The following PITPNB variants were observed in gnomAD, a reference collection of about 807,000 sequenced individuals.
The protein encoded by PITPNB is phosphatidylinositol transfer protein beta isoform.
PITPNB carries 16 observed loss-of-function variants against 45.9 expected under a neutral mutation model. The ratio of observed to expected loss-of-function variants is 0.35; its 90% CI spans 0.24 to 0.53. The LOEUF (loss-of-function observed/expected upper bound fraction) is 0.53. Ranked by LOEUF, PITPNB falls within the 20% of genes least tolerant of loss-of-function variation. PITPNB has a pLI of 0.93. For synonymous variants in PITPNB, 112 were observed against 108.9 expected, an observed-to-expected ratio of 1.03 and a Z score of -0.18; for missense variants, 188 against 330.5, an observed-to-expected ratio of 0.57 and a Z score of 3.34.
At chr22:27,903,650 C>T (rs984441642) in intron 3 of PITPNB, among the ~76,000 whole-genome samples, 12 of 151,454 alleles carry the variant, frequency 7.9e-5, no homozygotes, top group African/African-American at 2.9e-4. Flanking sequence ...GTGGTGCACA[C>T]CTATGGTCCC....
In PITPNB at chr22:27,876,363, TCTG is replaced by T. The variant is rs200415888; in HGVS notation, c.457-2551_457-2549del. Among the ~76,000 whole-genome samples, 17 of 152,364 alleles carry T rather than the reference TCTG, an allele frequency of 1.1e-4. No individual in the cohort carries two copies. In the East Asian group the frequency reaches 1.9e-3, roughly 17 times the overall value. The stretch of plus-strand genomic sequence containing the variant: ...ATGTATGAAATGAAGTCTTCCCCTC[TCTG>T]CTTTTTCTCCTCTTGAATACAAAGC... On this transcript the variant is annotated intron_variant, in intron 7 of 11. Coordinates refer to ENST00000335272, the MANE Select transcript of PITPNB (RefSeq NM_012399.5).
intron 1 of PITPNB, among the ~76,000 whole-genome samples, chr22:27,917,298 T>C (rs543908481): frequency 3.3e-5 from 5 of 152,366 alleles, no homozygotes; most frequent in Admixed American, 3.3e-4. Context: ...ATCTACTGAA[T>C]ACTGTGTGTC....
At chr22:27,900,218 A>T (rs910978886) in intron 3 of PITPNB, among the ~76,000 whole-genome samples, 25 of 152,090 alleles carry the variant, frequency 1.6e-4, no homozygotes, top group Admixed American at 1.5e-3. Context: ...AAAATAAAAA[A>T]AAAAAAAGAA....
chr22:27,908,045 C>T (rs932120475), intron 3 of PITPNB, among the ~76,000 whole-genome samples: 10 of 151,696 alleles, frequency 6.6e-5, no homozygotes, highest in Non-Finnish European at 1.0e-4. Context: ...TTCTGAACCT[C>T]ATCCCCAAAT....
At chr22:27,897,067 T>C (rs951597136) in intron 5 of PITPNB, 63 bp downstream of exon 5, 4 of 1,146,318 alleles carry the variant, frequency 3.5e-6, no homozygotes, top group African/African-American at 1.5e-5. Flanking sequence ...TTGAAAATAA[T>C]TACTGTGTAA....
At chr22:27,876,257 G>A (rs750636342) in intron 7 of PITPNB, among the ~76,000 whole-genome samples, 1 of 152,084 alleles carries the variant, frequency 6.6e-6, no homozygotes, top group Non-Finnish European at 1.5e-5. Context: ...CCAAGAAGCC[G>A]CAGCACTAGA....
chr22:27,912,071 G>C (rs8136100), intron 2 of PITPNB, among the ~76,000 whole-genome samples: 1 of 152,154 alleles, frequency 6.6e-6, no homozygotes, highest in African/African-American at 2.4e-5. Context: ...GCTTGAAGAA[G>C]TGTATTTCTT....
Position 27,853,067 on chromosome 22 carries a change from G to C in PITPNB, c.*635C>G, listed in dbSNP as rs1934069811. The C allele has an allele frequency of 6.6e-6, 1 of 152,412 alleles. No individual in the cohort carries two copies. Among genetic ancestry groups the C allele is most frequent in the African/African-American group, 2.4e-5 (1 of 41,388 alleles). 9.4% of individuals were successfully genotyped at this position (152,412 alleles called of 1,614,324 possible). ...TTGGCTACAAGATAATGACCATCCA[G>C]AAATAAATAGTTATAAATACATTCA... On this transcript the variant is annotated 3_prime_UTR_variant, in exon 12 of 12. Transcript: ENST00000335272.
chr22:27,912,793 C>T (rs1177991550), intron 2 of PITPNB, among the ~76,000 whole-genome samples: 1 of 151,646 alleles, frequency 6.6e-6, no homozygotes, highest in Non-Finnish European at 1.5e-5. Context: ...ACCAGCCTGA[C>T]CAATATGGTG....
intron 8 of PITPNB, among the ~76,000 whole-genome samples, chr22:27,870,139 T>C (rs1050870534): frequency 6.6e-6 from 1 of 152,210 alleles, no homozygotes; most frequent in Non-Finnish European, 1.5e-5. Flanking sequence ...AATCAGGTGT[T>C]CCAGAAATGG....
chr22:27,867,893 C>A (rs573448860), intron 8 of PITPNB, among the ~76,000 whole-genome samples: 3 of 152,174 alleles, frequency 2.0e-5, no homozygotes, highest in Non-Finnish European at 4.4e-5. Flanking sequence ...AGACATGGAA[C>A]AGCTTTTTTT....
chr22:27,886,921 A>G (rs1935138013), intron 7 of PITPNB, among the ~76,000 whole-genome samples: 1 of 152,218 alleles, frequency 6.6e-6, no homozygotes, highest in Admixed American at 6.5e-5. Context: ...ACCAGAAGTC[A>G]TTAAATACAG....
At chr22:27,894,427 G>A (rs546758825) in intron 7 of PITPNB, 128 bp downstream of exon 7, 64 of 598,692 alleles carry the variant, frequency 1.1e-4, no homozygotes, top group Middle Eastern at 4.2e-4. Context: ...AGCTCACTTC[G>A]GCATAGAAAT....
chr22:27,911,250 A>G, intron 2 of PITPNB, 141 bp from the exon 3 acceptor site: 1 of 561,976 alleles, frequency 1.8e-6, no homozygotes, highest in Admixed American at 3.0e-5. Context: ...TGAAAACACA[A>G]CTCAAATTAG....
intron 3 of PITPNB, 187 bp from the exon 4 acceptor site, chr22:27,898,079 T>C (rs1935485040): frequency 1.1e-5 from 6 of 556,604 alleles, no homozygotes; most frequent in South Asian, 6.2e-5. Flanking sequence ...TAAATAAAAA[T>C]GATTAAGAAT....
chr22:27,858,273 T>C (rs1701693106), intron 10 of PITPNB, 114 bp downstream of exon 10: 2 of 792,014 alleles, frequency 2.5e-6, no homozygotes, highest in East Asian at 2.6e-5. Flanking sequence ...ATAAGTAGAA[T>C]AGGGAATGAT....
At chr22:27,917,472 T>C (rs1936115304) in intron 1 of PITPNB, among the ~76,000 whole-genome samples, 1 of 152,242 alleles carries the variant, frequency 6.6e-6, no homozygotes, top group Non-Finnish European at 1.5e-5. Context: ...CCACATCATC[T>C]AGAAGTCAGA....
chr22:27,906,406 G>T (rs1036991948), intron 3 of PITPNB, among the ~76,000 whole-genome samples: 4 of 152,188 alleles, frequency 2.6e-5, no homozygotes, highest in Admixed American at 2.6e-4. Context: ...CTGTGGTTTT[G>T]GAAGAATTTT....
At chr22:27,897,690 G>T in intron 4 of PITPNB, 111 bp downstream of exon 4, 1 of 751,356 alleles carries the variant, frequency 1.3e-6, no homozygotes. Context: ...GACTATCCAA[G>T]AACCCAAGGA....
Sources: gnomAD v4.1 joint callset for allele counts (sites outside exome capture counted in the v4.1 genomes callset) on GRCh38, gnomAD v4.1.1 for gene constraint, MANE v1.5 for transcripts, NCBI Gene and HGNC (gene_info 2026-07-23, HGNC 2026-07-21) for gene names.